Variants in CEP76 observed in about 807,000 individuals in gnomAD.
CEP76 encodes centrosomal protein 76.
A neutral mutation model predicts 83.3 loss-of-function variants in CEP76; 55 were observed. That is an observed-to-expected ratio of 0.66 (90% CI 0.53 to 0.83). The LOEUF (loss-of-function observed/expected upper bound fraction) is 0.83. CEP76 is among the 40% of genes least tolerant of loss of function. The pLI, the probability that CEP76 is intolerant of heterozygous loss-of-function variation, is 0.00. For synonymous variants in CEP76, 270 were observed against 274.5 expected (o/e 0.98, Z 0.16); for missense variants, 694 against 799.5 (o/e 0.87, Z 1.59).
intron 7 of CEP76, among the ~76,000 whole-genome samples, chr18:12,690,940 C>CG (rs985606584): frequency 8.2e-5 from 7 of 84,990 alleles, no homozygotes; most frequent in Non-Finnish European, 1.6e-4. Context: ...ATGCCCAGAG[C>CG]CCCCCCCCGT....
chr18:12,694,519 C>A (rs2039879555), intron 6 of CEP76, among the ~76,000 whole-genome samples: 1 of 152,120 alleles, frequency 6.6e-6, no homozygotes, highest in Non-Finnish European at 1.5e-5. Flanking sequence ...AGAGACCTGA[C>A]AGTGGAATTA....
chr18:12,701,018 G>C lies in CEP76; in HGVS notation c.159C>G (p.Ile53Met). The change falls in exon 2 of 12, where the codon ATC becomes ATG. Residue 53 changes from isoleucine (I) to methionine (M), a missense_variant. Transcript: ENST00000262127. The part of the protein sequence containing the change: ...DQQHLSTEDL[I>M]KALRRRGIID... Reference sequence around the variant, plus strand: ...TGATTCCTCGACGTCTAAGGGCTTTGATCAAATCTTCTGTTGATAAATGCT... The same window carrying C: ...TGATTCCTCGACGTCTAAGGGCTTTCATCAAATCTTCTGTTGATAAATGCT... The C allele has an allele frequency of 6.2e-7, 1 of 1,613,868 alleles. No individual in the cohort carries two copies. The highest frequency in any genetic ancestry group is 1.3e-5 in the African/African-American group (1 of 75,034).
At chr18:12,668,455 G>C (rs1228709695), downstream of CEP76, among the ~76,000 whole-genome samples, 1 of 151,298 alleles carries the variant, frequency 6.6e-6, no homozygotes, top group Non-Finnish European at 1.5e-5. Flanking sequence ...ACAAAAATTA[G>C]CTGGGCATAG....
chr18:12,667,848 CTTTTT>C (rs36019439), downstream of CEP76, among the ~76,000 whole-genome samples: 3 of 116,734 alleles, frequency 2.6e-5, no homozygotes, highest in Non-Finnish European at 5.1e-5. Flanking sequence ...CTTTCTGATC[CTTTTT>C]TTTTTTTTTT....
chr18:12,701,218 C>T, intron 1 of CEP76, 105 bp from the exon 2 acceptor site: 1 of 768,492 alleles, frequency 1.3e-6, no homozygotes, highest in Non-Finnish European at 2.1e-6. Flanking sequence ...CAATTGTTAC[C>T]ACAATTGAAT....
At chr18:12,688,163 G>A (rs377754978) in intron 7 of CEP76, among the ~76,000 whole-genome samples, 2 of 150,474 alleles carry the variant, frequency 1.3e-5, no homozygotes, top group African/African-American at 2.5e-5. Context: ...TCTGGGAGGC[G>A]GAGCTTGCAG....
chr18:12,684,734 C>A (rs568080177), intron 8 of CEP76: 1 of 151,774 alleles, frequency 6.6e-6, no homozygotes, highest in African/African-American at 2.4e-5. Flanking sequence ...CCACCCTCCC[C>A]GGCCTCCCAA....
downstream of CEP76, among the ~76,000 whole-genome samples, chr18:12,669,331 C>T (rs1431141939): frequency 2.6e-5 from 4 of 151,818 alleles, no homozygotes; most frequent in Admixed American, 6.6e-5. Context: ...AGGCTGGTCT[C>T]GAACTCCTGA....
intron 2 of CEP76, 129 bp from the exon 3 acceptor site, chr18:12,700,034 T>A (rs1398707189): frequency 8.5e-6 from 4 of 471,962 alleles, no homozygotes; most frequent in Non-Finnish European, 1.1e-5. Context: ...AACCCCTTAT[T>A]TTCCTAGCCT....
chr18:12,675,047 A>C (rs529800619), intron 10 of CEP76, among the ~76,000 whole-genome samples: 2 of 152,200 alleles, frequency 1.3e-5, no homozygotes, highest in East Asian at 3.9e-4. Flanking sequence ...TATATGAAAT[A>C]GTCCTAATAT....
chr18:12,676,731 GAAAACATATT>G (rs1439833467), intron 10 of CEP76, among the ~76,000 whole-genome samples: 2 of 152,194 alleles, frequency 1.3e-5, no homozygotes, highest in Non-Finnish European at 2.9e-5. Context: ...AACTTTTGCT[GAAAACATATT>G]ACAAATGCCA....
At chr18:12,696,694 G>A (rs1302784392) in intron 5 of CEP76, among the ~76,000 whole-genome samples, 2 of 152,064 alleles carry the variant, frequency 1.3e-5, no homozygotes, top group East Asian at 1.9e-4. Context: ...AGATTCCAAG[G>A]AGACTATGAT....
intron 7 of CEP76, among the ~76,000 whole-genome samples, chr18:12,690,766 A>G (rs989559026): frequency 2.6e-5 from 4 of 152,226 alleles, no homozygotes; most frequent in South Asian, 2.1e-4. Context: ...ACCTGACCAT[A>G]TATTTTATAT....
At chr18:12,686,544 C>T (rs2039546331) in intron 7 of CEP76, 94 bp from the exon 8 acceptor site, 3 of 932,406 alleles carry the variant, frequency 3.2e-6, no homozygotes, top group Middle Eastern at 3.0e-4. Flanking sequence ...AATAATTCAG[C>T]ATACCATTGA....
At chr18:12,668,597 CAAA>C (rs752216074), downstream of CEP76, among the ~76,000 whole-genome samples, 5 of 72,828 alleles carry the variant, frequency 6.9e-5, no homozygotes, top group Middle Eastern at 9.8e-3. Flanking sequence ...GATTCCATCT[CAAA>C]AAAAAAAAAA....
intron 9 of CEP76, chr18:12,678,959 T>C (rs1286273040): frequency 2.0e-5 from 3 of 151,040 alleles, no homozygotes; most frequent in Admixed American, 6.6e-5. Flanking sequence ...AAAATAAAAA[T>C]AAAAAAAGTT....
chr18:12,682,498 C>T (rs972485414), intron 8 of CEP76, among the ~76,000 whole-genome samples: 2 of 151,646 alleles, frequency 1.3e-5, no homozygotes, highest in Non-Finnish European at 2.9e-5. Flanking sequence ...CAAGAAATTT[C>T]TTTCTCCAAA....
At chr18:12,670,280 A>T (rs1262294492), downstream of CEP76, 1 of 152,266 alleles carries the variant, frequency 6.6e-6, no homozygotes, top group Non-Finnish European at 1.5e-5. Flanking sequence ...CAGTGAGCCA[A>T]GATTGTGCCA....
chr18:12,668,018 A>G (rs955936468), downstream of CEP76, among the ~76,000 whole-genome samples: 2 of 151,926 alleles, frequency 1.3e-5, no homozygotes, highest in African/African-American at 4.8e-5. Flanking sequence ...TAATCCCAGC[A>G]CTTTGGGAGG....
Sources: allele counts gnomAD v4.1 joint callset (sites outside exome capture counted in the v4.1 genomes callset), GRCh38; gene constraint gnomAD v4.1.1; transcripts MANE v1.5; gene names NCBI Gene and HGNC (gene_info 2026-07-23, HGNC 2026-07-21).